The following FASLG variants were observed in gnomAD, a reference collection of about 807,000 sequenced individuals.
The protein encoded by FASLG is Fas ligand.
A neutral mutation model predicts 24.6 loss-of-function variants in FASLG; 9 were observed. The observed-to-expected ratio is 0.37, with a 90% CI of 0.22 to 0.64. The LOEUF is 0.64. FASLG is among the 30% of genes least tolerant of loss of function. The pLI is 0.64. For missense variants in FASLG, 306 were observed against 345.3 expected (o/e 0.89, Z 0.90); for synonymous variants, 130 against 135.5 (o/e 0.96, Z 0.28).
In FASLG at chr1:172,659,433, A is replaced by G. The variant is rs767326843; in HGVS notation, c.232A>G (p.Ser78Gly). Residue 78 changes from serine to glycine, a missense_variant, in exon 1 of 4, where the codon AGC (serine) becomes GGC (glycine). By Grantham distance (56) the Ser-to-Gly change is moderately conservative (BLOSUM62 0). Transcript: ENST00000367721. ...LPPLKKRGNHSTGLCLLVMFF... is the reference protein window; with the variant it reads ...LPPLKKRGNHGTGLCLLVMFF... ...ACCCCTGAAGAAGAGAGGGAACCAC[A>G]GCACAGGCCTGTGTCTCCTTGTGAT... 3 of 1,613,530 alleles carry G rather than the reference A, an allele frequency of 1.9e-6. No homozygotes were observed. The African/African-American group carries it at 4.0e-5, about 22-fold the overall frequency.
At position 172,659,310 on chromosome 1, in the gene FASLG, C is replaced by G. The variant is rs145731782; in HGVS notation, c.109C>G (p.Pro37Ala). 39 of 1,613,936 alleles carry G rather than the reference C, an allele frequency of 2.4e-5. No individual in the cohort carries two copies. The highest frequency in any genetic ancestry group is 1.7e-4 in the Middle Eastern group (1 of 6,052). Residue 37 changes from proline (P) to alanine (A), a missense_variant, in exon 1 of 4, where the codon CCC becomes GCC. By Grantham distance (27) the Pro-to-Ala change is conservative (BLOSUM62 -1). Transcript: ENST00000367721. ...AGTTCTTCCCTGTCCAACCTCTGTG[C>G]CCAGAAGGCCTGGTCAAAGGAGGCC... ...GTVLPCPTSV[P>A]RRPGQRRPPP...
In FASLG at chr1:172,660,283, T is replaced by C; in HGVS notation, c.394+143T>C. The C allele has an allele frequency of 4.8e-6, 4 of 829,040 alleles. No individual in the cohort carries two copies. In the South Asian group the frequency reaches 5.8e-5, roughly 12 times the overall value. The allele number at this position is 829,040 out of a possible 1,614,324, so 51.4% of individuals were successfully genotyped here. On this transcript the variant is annotated intron_variant, in intron 2 of 3. Coordinates refer to ENST00000367721, the MANE Select transcript of FASLG (RefSeq NM_000639.3). ...ATTCTGGCTAATTCAGAATCTCTGGTCTATGATTCCTTGAGCTGCTTTAAA... is the reference window on the plus strand; with the variant it reads ...ATTCTGGCTAATTCAGAATCTCTGGCCTATGATTCCTTGAGCTGCTTTAAA...
chr1:172,664,685 G>T (rs1408972064), intron 3 of FASLG, among the ~76,000 whole-genome samples: 2 of 152,220 alleles, frequency 1.3e-5, no homozygotes, highest in African/African-American at 2.4e-5. Context: ...GGGATTGGGG[G>T]CACAGATCCA....
At position 172,659,368 on chromosome 1, in the gene FASLG, C is replaced by G; in HGVS notation, c.167C>G (p.Pro56Arg). 1 of 1,610,518 alleles carries G rather than the reference C, an allele frequency of 6.2e-7. No individual in the cohort carries two copies. Among genetic ancestry groups the G allele is most frequent in the Non-Finnish European group, 8.5e-7 (1 of 1,178,510 alleles). ...CCACCGCCACCGCCACCACTACCAC[C>G]TCCGCCGCCGCCGCCACCACTGCCT... ...PPPPPPPPLP[P>R]PPPPPPLPPL... The change falls in exon 1 of 4, where the codon CCT becomes CGT. Residue 56 changes from proline (P) to arginine (R), a missense_variant. Physicochemically the swap from Pro to Arg is moderately radical, Grantham distance 103. Transcript: ENST00000367721.
In FASLG at chr1:172,666,229, T is replaced by A. The variant is rs1258936852; in HGVS notation, c.*213T>A. The A allele has an allele frequency of 5.0e-6, 3 of 596,660 alleles. No homozygotes were observed. The highest frequency in any genetic ancestry group is 1.9e-5 in the African/African-American group (1 of 53,784). The allele number at this position is 596,660 out of a possible 1,614,324, so 37.0% of individuals were successfully genotyped here. A position where few individuals can be genotyped will look rare whatever the true frequency, so the allele number is the denominator to read the frequency against. On this transcript the variant is annotated 3_prime_UTR_variant, in exon 4 of 4. Coordinates refer to ENST00000367721, the MANE Select transcript of FASLG (RefSeq NM_000639.3). ...AATGGAGGAATATGACGGAAGAACA[T>A]AGAACTCTGGGCTGCCATGTGAAGA...
intron 1 of FASLG, 43 bp downstream of exon 1, chr1:172,659,592 A>C: frequency 6.2e-7 from 1 of 1,607,092 alleles, no homozygotes; most frequent in Non-Finnish European, 8.5e-7. Context: ...GGCACCAGGC[A>C]TAAGGGGATG....
chr1:172,660,229 C>A, intron 2 of FASLG, 89 bp downstream of exon 2: 2 of 1,349,242 alleles, frequency 1.5e-6, no homozygotes, highest in Non-Finnish European at 2.1e-6. Flanking sequence ...TTCTGTCCCA[C>A]ACTTTGGTTT....
intron 2 of FASLG, among the ~76,000 whole-genome samples, chr1:172,661,399 C>T (rs1342483586): frequency 6.6e-6 from 1 of 152,126 alleles, no homozygotes; most frequent in Admixed American, 6.5e-5. Context: ...CTTCTGTGTC[C>T]TAATCCTTAA....
intron 2 of FASLG, among the ~76,000 whole-genome samples, chr1:172,661,329 T>C (rs1487070368): frequency 6.6e-6 from 1 of 152,254 alleles, no homozygotes; most frequent in African/African-American, 2.4e-5. Flanking sequence ...CAGTCGCCTG[T>C]CTACTATCCT....
chr1:172,660,333 A>G (rs1031835558), intron 2 of FASLG, among the ~76,000 whole-genome samples, 193 bp downstream of exon 2: 3 of 152,350 alleles, frequency 2.0e-5, no homozygotes, highest in Non-Finnish European at 4.4e-5. Context: ...TGAATTGCTC[A>G]CAATCAATAT....
chr1:172,663,709 G>A (rs1659190770), intron 2 of FASLG, among the ~76,000 whole-genome samples: 1 of 152,178 alleles, frequency 6.6e-6, no homozygotes, highest in Non-Finnish European at 1.5e-5. Flanking sequence ...GCAATTAAAG[G>A]TGTTTGAGGA....
intron 1 of FASLG, 37 bp downstream of exon 1, chr1:172,659,586 C>G: frequency 1.2e-6 from 2 of 1,610,922 alleles, no homozygotes; most frequent in Non-Finnish European, 1.7e-6. Flanking sequence ...CCTGGAGGCA[C>G]CAGGCATAAG....
At chr1:172,663,768 G>A (rs537858642) in intron 2 of FASLG, among the ~76,000 whole-genome samples, 1 of 152,206 alleles carries the variant, frequency 6.6e-6, no homozygotes, top group South Asian at 2.1e-4. Flanking sequence ...ATTAATTTGG[G>A]GCAGATTGTA....
Position 172,666,281 on chromosome 1 carries a change from A to AC in FASLG, c.*265_*266insC. 2.0e-6 allele frequency: 1 copy of AC among 493,052 alleles called. No homozygotes were observed. 30.5% of individuals were successfully genotyped at this position (493,052 alleles called of 1,614,324 possible). A position where few individuals can be genotyped will look rare whatever the true frequency, so the allele number is the denominator to read the frequency against. ...GGAGAAGCATGAAAAAGCAGCTACCAGGTGTTCTACACTCATCTTAGTGCC... is the reference window on the plus strand; with the variant it reads ...GGAGAAGCATGAAAAAGCAGCTACCACGGTGTTCTACACTCATCTTAGTGCC... On this transcript the variant is annotated 3_prime_UTR_variant, in exon 4 of 4. Coordinates refer to ENST00000367721, the MANE Select transcript of FASLG (RefSeq NM_000639.3).
chr1:172,661,021 A>T (rs1384669528), intron 2 of FASLG, among the ~76,000 whole-genome samples: 1 of 152,218 alleles, frequency 6.6e-6, no homozygotes, highest in Non-Finnish European at 1.5e-5. Flanking sequence ...TACCAGATGG[A>T]TTAGGTGAAT....
intron 1 of FASLG, 34 bp downstream of exon 1, chr1:172,659,583 G>A (rs1230456666): frequency 1.2e-6 from 2 of 1,610,746 alleles, no homozygotes; most frequent in Admixed American, 1.7e-5. Flanking sequence ...TGCCCTGGAG[G>A]CACCAGGCAT....
At position 172,659,498 on chromosome 1, in the gene FASLG, G is replaced by T; in HGVS notation, c.297G>T (p.Leu99=). The T allele has an allele frequency of 6.2e-7, 1 of 1,614,104 alleles. No homozygotes were observed. The highest frequency in any genetic ancestry group is 8.5e-7 in the Non-Finnish European group (1 of 1,180,018). Residue 99 remains leucine (L), a synonymous_variant, in exon 1 of 4, where the codon CTG becomes CTT. Transcript: ENST00000367721. ...MVLVALVGLG[L]GMFQLFHLQK... ...TGGTTGCCTTGGTAGGATTGGGCCT[G>T]GGGATGTTTCAGCTCTTCCACCTAC...
At chr1:172,665,293 G>A (rs1310026202) in intron 3 of FASLG, among the ~76,000 whole-genome samples, 1 of 152,186 alleles carries the variant, frequency 6.6e-6, no homozygotes, top group Non-Finnish European at 1.5e-5. Context: ...TTTCCTTCAG[G>A]AAAGGACTTC....
Position 172,666,245 on chromosome 1 carries a change from C to A in FASLG, c.*229C>A. ...GGAAGAACATAGAACTCTGGGCTGC[C>A]ATGTGAAGAGGGAGAAGCATGAAAA... On this transcript the variant is annotated 3_prime_UTR_variant, in exon 4 of 4. Coordinates refer to ENST00000367721, the MANE Select transcript of FASLG (RefSeq NM_000639.3). The A allele has an allele frequency of 1.8e-6, 1 of 564,456 alleles. No homozygotes were observed. The highest frequency in any genetic ancestry group is 3.1e-6 in the Non-Finnish European group (1 of 318,422). The allele number at this position is 564,456 out of a possible 1,614,324, so 35.0% of individuals were successfully genotyped here.
Sources: gnomAD v4.1 joint callset for allele counts (sites outside exome capture counted in the v4.1 genomes callset) on GRCh38, gnomAD v4.1.1 for gene constraint, MANE v1.5 for transcripts, NCBI Gene and HGNC (gene_info 2026-07-23, HGNC 2026-07-21) for gene names.